PTPRD: variants seen among roughly 807,000 people sequenced by gnomAD.
PTPRD encodes the protein protein tyrosine phosphatase receptor type D.
A neutral mutation model predicts 214.5 loss-of-function variants in PTPRD; 34 were observed. The observed-to-expected ratio is 0.16, with a 90% CI of 0.12 to 0.21. The LOEUF (loss-of-function observed/expected upper bound fraction) is 0.21, where lower values mean the gene tolerates loss of function less well. Among genes scored for constraint, PTPRD ranks in the 10% least tolerant of loss-of-function variants. The probability of loss-of-function intolerance (pLI) is 1.00; values close to 1 mark genes in which losing one functional copy is unlikely to be tolerated. For synonymous variants in PTPRD, 1,128 were observed against 845.7 expected (o/e 1.33, Z -5.79); for missense variants, 2,545 against 2,398.7 (o/e 1.06, Z -1.27).
chr9:10,068,115 A>G (rs2097917187), intron 3 of PTPRD, among the ~76,000 whole-genome samples: 1 of 151,988 alleles, frequency 6.6e-6, no homozygotes, highest in African/African-American at 2.4e-5. Context: ...TTACCAACAC[A>G]TCTAGGAACA....
chr9:10,380,125 T>C (rs190258891), intron 2 of PTPRD, among the ~76,000 whole-genome samples: 430 of 152,176 alleles, frequency 2.8e-3, no homozygotes, highest in Non-Finnish European at 4.7e-3. Flanking sequence ...CAACAATTTC[T>C]TTCTTTCTTT....
chr9:10,386,452 T>C (rs144171518), intron 2 of PTPRD, among the ~76,000 whole-genome samples: 74 of 151,998 alleles, frequency 4.9e-4, no homozygotes, highest in African/African-American at 1.6e-3. Flanking sequence ...GGTCTGGAGA[T>C]AAAGGGCATT....
chr9:10,453,240 AT>A (rs953728658), intron 2 of PTPRD, among the ~76,000 whole-genome samples: 9 of 151,412 alleles, frequency 5.9e-5, no homozygotes, highest in African/African-American at 2.2e-4. Context: ...ATAGTTTGAA[AT>A]CAGGTAATGT....
chr9:9,944,504 T>C (rs1334469754), intron 4 of PTPRD, among the ~76,000 whole-genome samples: 3 of 152,072 alleles, frequency 2.0e-5, no homozygotes, highest in Non-Finnish European at 2.9e-5. Context: ...AATAAAAAGA[T>C]TAATAAAAAG....
At chr9:9,287,483 C>G in intron 9 of PTPRD, among the ~76,000 whole-genome samples, 1 of 151,858 alleles carries the variant, frequency 6.6e-6, no homozygotes, top group Non-Finnish European at 1.5e-5. Context: ...TTCACAAGGA[C>G]CAGTTATTGT....
Position 9,662,419 on chromosome 9 carries a change from C to T in PTPRD, c.-287+72114G>A, listed in dbSNP as rs188328091. Among the ~76,000 whole-genome samples the T allele has an allele frequency of 2.7e-3, 408 of 151,668 alleles. 3 individuals carry two copies. Among genetic ancestry groups the T allele is most frequent in the African/African-American group, 8.8e-3 (367 of 41,498 alleles). ...CCACATAACTGCTATAACAGCAAGACGCTTTTTCTTAAGAGAACACATTTG... is the reference window on the plus strand; with the variant it reads ...CCACATAACTGCTATAACAGCAAGATGCTTTTTCTTAAGAGAACACATTTG... On this transcript the variant is annotated intron_variant, in intron 7 of 45. Transcript: ENST00000381196.
chr9:9,166,913 T>G (rs1450833653), intron 10 of PTPRD, among the ~76,000 whole-genome samples: 1 of 152,188 alleles, frequency 6.6e-6, no homozygotes, highest in African/African-American at 2.4e-5. Context: ...CCACCACCTA[T>G]TTTTGAAAAC....
intron 7 of PTPRD, among the ~76,000 whole-genome samples, chr9:9,684,906 G>C (rs989443244): frequency 1.3e-5 from 2 of 151,498 alleles, no homozygotes; most frequent in African/African-American, 4.8e-5. Flanking sequence ...CTTAAGCTCT[G>C]TGTTGTATTA....
At chr9:9,787,349 A>G (rs2098932498) in intron 5 of PTPRD, among the ~76,000 whole-genome samples, 1 of 151,038 alleles carries the variant, frequency 6.6e-6, no homozygotes, top group Non-Finnish European at 1.5e-5. Context: ...CAATTGGTTT[A>G]TGATATATGA....
rs193102959 is a variant in PTPRD, at chr9:10,316,078, T to C, written c.-545+24885A>G. On this transcript the variant is annotated intron_variant, in intron 3 of 45. Coordinates refer to ENST00000381196, the MANE Select transcript of PTPRD (RefSeq NM_002839.4). ...ATTTATAATGGTGTTGTAATATATA[T>C]ATATATGATGCTAAGGTAATTTATG... Among the ~76,000 whole-genome samples, 10 of 150,124 alleles carry C rather than the reference T, an allele frequency of 6.7e-5. 1 individual carries two copies. The East Asian group carries it at 1.2e-3, about 18-fold the overall frequency.
intron 2 of PTPRD, among the ~76,000 whole-genome samples, chr9:10,437,721 C>T (rs2098729365): frequency 6.6e-6 from 1 of 151,420 alleles, no homozygotes; most frequent in South Asian, 2.1e-4. Context: ...TGACATGGTT[C>T]TATCTTCAAA....
intron 11 of PTPRD, among the ~76,000 whole-genome samples, chr9:8,807,560 G>C (rs1305483028): frequency 1.3e-5 from 2 of 150,482 alleles, no homozygotes; most frequent in African/African-American, 4.9e-5. Context: ...TTCTGTGTGG[G>C]TAATTTTATT....
intron 3 of PTPRD, among the ~76,000 whole-genome samples, chr9:10,322,612 T>A (rs190148038): frequency 2.6e-5 from 4 of 152,228 alleles, no homozygotes; most frequent in Non-Finnish European, 4.4e-5. Context: ...CCATTTGTGG[T>A]AATTTTCTTT....
At position 10,269,855 on chromosome 9, in the gene PTPRD, A is replaced by G. The variant is rs1391772360; in HGVS notation, c.-545+71108T>C. Reference sequence around the variant, plus strand: ...CTAAAAAGTAAACTTCAAAAAAATTAAAAACTGCTTTAATACTTTTATTAA... The same window carrying G: ...CTAAAAAGTAAACTTCAAAAAAATTGAAAACTGCTTTAATACTTTTATTAA... On this transcript the variant is annotated intron_variant, in intron 3 of 45. Coordinates refer to ENST00000381196, the MANE Select transcript of PTPRD (RefSeq NM_002839.4). 2.0e-5 allele frequency among the ~76,000 whole-genome samples: 3 copies of G among 152,206 alleles called. No homozygotes were observed. The East Asian group carries it at 5.8e-4, about 29-fold the overall frequency.
chr9:8,959,483 G>A (rs1222966166), intron 11 of PTPRD, among the ~76,000 whole-genome samples: 2 of 151,876 alleles, frequency 1.3e-5, no homozygotes, highest in Non-Finnish European at 2.9e-5. Flanking sequence ...GAGAGTGAGA[G>A]GAGGAGAGCA....
intron 14 of PTPRD, among the ~76,000 whole-genome samples, chr9:8,595,527 T>C (rs561394773): frequency 1.3e-5 from 2 of 152,212 alleles, no homozygotes; most frequent in Admixed American, 6.5e-5. Flanking sequence ...TATGTATGTA[T>C]AGTCACATAA....
At chr9:8,769,518 CCTT>C (rs1003049501) in intron 11 of PTPRD, among the ~76,000 whole-genome samples, 31 of 152,184 alleles carry the variant, frequency 2.0e-4, no homozygotes, top group African/African-American at 6.7e-4. Flanking sequence ...TGTGGTTCTC[CCTT>C]CTTCTTGCAA....
At chr9:10,145,522 A>G (rs2099016242) in intron 3 of PTPRD, among the ~76,000 whole-genome samples, 1 of 152,150 alleles carries the variant, frequency 6.6e-6, no homozygotes, top group African/African-American at 2.4e-5. Context: ...ACTTTATTGG[A>G]AGAATACAGA....
chr9:9,254,557 T>C (rs2099976900), intron 9 of PTPRD, among the ~76,000 whole-genome samples: 1 of 152,076 alleles, frequency 6.6e-6, no homozygotes, highest in South Asian at 2.1e-4. Context: ...ATTCTTGACA[T>C]AAATTATGTG....
Sources: allele counts gnomAD v4.1 joint callset (sites outside exome capture counted in the v4.1 genomes callset), GRCh38; gene constraint gnomAD v4.1.1; transcripts MANE v1.5; gene names NCBI Gene and HGNC (gene_info 2026-07-23, HGNC 2026-07-21).